The following FOXN1 variants were observed in gnomAD, a reference collection of about 807,000 sequenced individuals.
FOXN1 encodes forkhead box N1, also known as forkhead box protein N1.
In FOXN1, 15 loss-of-function variants were observed where a neutral mutation model predicts 49.0. That is an observed-to-expected ratio of 0.31 (90% CI 0.20 to 0.47). FOXN1 has a LOEUF of 0.47. FOXN1 is among the 20% of genes least tolerant of loss of function. The pLI is 1.00. For missense variants in FOXN1, 800 were observed against 842.8 expected, an observed-to-expected ratio of 0.95 and a Z score of 0.63; for synonymous variants, 356 against 369.0, an observed-to-expected ratio of 0.96 and a Z score of 0.40.
At position 28,527,283 on chromosome 17, in the gene FOXN1, G is replaced by GGA; in HGVS notation, c.625_626dup (p.Ser209ArgfsTer94). Reference sequence around the variant, plus strand: ...AGGTCAAAGTCAAGCCCCCAGTTCTGGAGAGTGGTGCTGGGATGTTCTGCT... The same window carrying GGA: ...AGGTCAAAGTCAAGCCCCCAGTTCTGGAGAGAGTGGTGCTGGGATGTTCTGCT... On this transcript the variant is annotated frameshift_variant, in exon 4 of 9. Transcript: ENST00000579795. LOFTEE classifies it high-confidence loss of function. 1 of 1,613,950 alleles carries GGA rather than the reference G, an allele frequency of 6.2e-7. No individual in the cohort carries two copies.
intron 1 of FOXN1, among the ~76,000 whole-genome samples, chr17:28,510,580 GCACACACACACACA>G (rs5819850): frequency 1.0e-4 from 14 of 138,184 alleles, no homozygotes; most frequent in African/African-American, 3.4e-4. Flanking sequence ...GCACACACAC[GCACACACACACACA>G]CACACACACA....
intron 8 of FOXN1, among the ~76,000 whole-genome samples, chr17:28,536,265 G>C (rs2070062132): frequency 6.6e-6 from 1 of 152,220 alleles, no homozygotes; most frequent in Non-Finnish European, 1.5e-5. Context: ...GTGGGGAGCA[G>C]GGCTCAATCA....
intron 1 of FOXN1, among the ~76,000 whole-genome samples, chr17:28,520,954 C>T (rs2069629072): frequency 6.6e-6 from 1 of 152,190 alleles, no homozygotes; most frequent in African/African-American, 2.4e-5. Context: ...CCCAGGACTG[C>T]CAGGCCTGAG....
intron 1 of FOXN1, among the ~76,000 whole-genome samples, chr17:28,510,873 G>A (rs782261609): frequency 1.3e-4 from 20 of 152,186 alleles, no homozygotes; most frequent in Non-Finnish European, 2.5e-4. Flanking sequence ...TATTTGGGGT[G>A]GCAATGCCAA....
At chr17:28,531,957 AAG>A (rs1444182283) in intron 6 of FOXN1, among the ~76,000 whole-genome samples, 2 of 152,138 alleles carry the variant, frequency 1.3e-5, no homozygotes, top group Non-Finnish European at 2.9e-5. Flanking sequence ...CTGGAAGGGA[AAG>A]AGGGAGGGAG....
At chr17:28,529,059 C>T in intron 4 of FOXN1, 35 bp from the exon 5 acceptor site, 2 of 1,613,520 alleles carry the variant, frequency 1.2e-6, no homozygotes, top group Non-Finnish European at 1.7e-6. Flanking sequence ...AGGCTGGGTA[C>T]CATGCAATCA....
intron 1 of FOXN1, among the ~76,000 whole-genome samples, chr17:28,507,701 G>A (rs556813782): frequency 6.6e-6 from 1 of 152,170 alleles, no homozygotes; most frequent in African/African-American, 2.4e-5. Flanking sequence ...CTAGTTCCTC[G>A]GATCCGAGGG....
intron 3 of FOXN1, among the ~76,000 whole-genome samples, chr17:28,525,570 A>C (rs1395430720): frequency 6.6e-6 from 1 of 152,182 alleles, no homozygotes; most frequent in Non-Finnish European, 1.5e-5. Context: ...AAGTAAGGTC[A>C]ACATTACCTG....
Position 28,508,315 on chromosome 17 carries a change from C to G in FOXN1, c.-15+1872C>G, listed in dbSNP as rs144213069. ...CGCCACATTGCCTCCAACCAACAGC[C>G]GTCTTCACCGTGAGAAGGCTTCATC... On this transcript the variant is annotated intron_variant, in intron 1 of 8. Coordinates refer to ENST00000579795, the MANE Select transcript of FOXN1 (RefSeq NM_001369369.1). Among the ~76,000 whole-genome samples the G allele has an allele frequency of 7.4e-3, 1,130 of 152,320 alleles. 4 individuals are homozygous for G. Among genetic ancestry groups the G allele is most frequent in the Non-Finnish European group, 0.012 (848 of 68,026 alleles).
rs185748978 is a variant in FOXN1, at chr17:28,527,239, C to A, written c.589-12C>A. On this transcript the variant is annotated splice_polypyrimidine_tract_variant and intron_variant, in intron 3 of 8. Coordinates refer to ENST00000579795, the MANE Select transcript of FOXN1 (RefSeq NM_001369369.1). ...AAGGCCTAATCTAGTCATCTGCTTTCTCTTCCAGCAGGGTTCAGAGGTCAA... is the reference window on the plus strand; with the variant it reads ...AAGGCCTAATCTAGTCATCTGCTTTATCTTCCAGCAGGGTTCAGAGGTCAA... 11 of 1,585,390 alleles carry A rather than the reference C, an allele frequency of 6.9e-6. No homozygotes were observed. In the Admixed American group the frequency reaches 8.3e-5, roughly 12 times the overall value.
chr17:28,525,553 A>T (rs2069748347), intron 3 of FOXN1, among the ~76,000 whole-genome samples: 1 of 152,196 alleles, frequency 6.6e-6, no homozygotes, highest in Admixed American at 6.5e-5. Flanking sequence ...TCTGAGCCTC[A>T]TCTGAAAAGT....
At chr17:28,522,811 C>G (rs931214093) in intron 1 of FOXN1, among the ~76,000 whole-genome samples, 4 of 151,264 alleles carry the variant, frequency 2.6e-5, no homozygotes, top group African/African-American at 9.7e-5. Context: ...GCACTCCAGC[C>G]TGGGTGACAG....
chr17:28,533,437 G>A (rs1475745470), intron 6 of FOXN1, among the ~76,000 whole-genome samples: 1 of 151,864 alleles, frequency 6.6e-6, no homozygotes, highest in Non-Finnish European at 1.5e-5. Context: ...TACCACACTG[G>A]TGGCATGACC....
chr17:28,534,548 GC>G lies in FOXN1; in HGVS notation c.1135+12del. The G allele has an allele frequency of 1.2e-6, 2 of 1,612,040 alleles. No individual in the cohort carries two copies. Among genetic ancestry groups the G allele is most frequent in the Non-Finnish European group, 1.7e-6 (2 of 1,179,574 alleles). On this transcript the variant is annotated intron_variant, in intron 7 of 8. Coordinates refer to ENST00000579795, the MANE Select transcript of FOXN1 (RefSeq NM_001369369.1). The surrounding 1 kb of genome is among the most constrained non-coding windows in gnomAD (Gnocchi z 4.1). ...AGCATGGCCAAGCCAGGTGAGGCCG[GC>G]CGGGCCACGCAAGGAAGGGCCCAGG...
chr17:28,535,898 A>T (rs1483913432), intron 8 of FOXN1, among the ~76,000 whole-genome samples: 1 of 152,192 alleles, frequency 6.6e-6, no homozygotes, highest in Admixed American at 6.5e-5. Flanking sequence ...AGAAGGAGAG[A>T]GACTCTACCC....
chr17:28,533,207 T>C (rs753452296), intron 6 of FOXN1, among the ~76,000 whole-genome samples: 1 of 152,084 alleles, frequency 6.6e-6, no homozygotes, highest in Non-Finnish European at 1.5e-5. Context: ...AGCAGAAACT[T>C]TGGGCTGAAA....
At chr17:28,525,628 C>T (rs2069749743) in intron 3 of FOXN1, among the ~76,000 whole-genome samples, 1 of 152,136 alleles carries the variant, frequency 6.6e-6, no homozygotes, top group Non-Finnish European at 1.5e-5. Context: ...AGGGAATTTG[C>T]TCCCTGCTCC....
At chr17:28,513,121 T>C (rs1037078622) in intron 1 of FOXN1, among the ~76,000 whole-genome samples, 15 of 152,266 alleles carry the variant, frequency 9.9e-5, no homozygotes, top group Non-Finnish European at 5.9e-5. Context: ...ATACAAAAGT[T>C]AACCAGACTT....
chr17:28,525,149 G>C (rs1399015988), intron 3 of FOXN1, among the ~76,000 whole-genome samples, 182 bp downstream of exon 3: 3 of 152,148 alleles, frequency 2.0e-5, no homozygotes, highest in Non-Finnish European at 2.9e-5. Context: ...CAGCATGGAG[G>C]GGGGCAAGTG....
Sources: allele counts gnomAD v4.1 joint callset (sites outside exome capture counted in the v4.1 genomes callset), GRCh38; gene constraint gnomAD v4.1.1; non-coding constraint Gnocchi (gnomAD v3.1); transcripts MANE v1.5; gene names NCBI Gene and HGNC (gene_info 2026-07-23, HGNC 2026-07-21).